MYO16: variants seen among roughly 807,000 people sequenced by gnomAD.
MYO16 encodes the protein unconventional myosin-XVI.
A neutral mutation model predicts 205.3 loss-of-function variants in MYO16; 94 were observed. That is an observed-to-expected ratio of 0.46 (90% CI 0.39 to 0.54). MYO16 has a LOEUF of 0.54. Among genes scored for constraint, MYO16 ranks in the 20% least tolerant of loss-of-function variants. The probability of loss-of-function intolerance (pLI) is 0.00; values close to 1 mark genes in which losing one functional copy is unlikely to be tolerated. For missense variants in MYO16, 2,315 were observed against 2,387.5 expected (o/e 0.97, Z 0.63); for synonymous variants, 988 against 954.0 (o/e 1.04, Z -0.66).
chr13:108,580,606 T>G, the MYO16 span, among the ~76,000 whole-genome samples: 1 of 152,242 alleles, frequency 6.6e-6, no homozygotes, highest in African/African-American at 2.4e-5. Flanking sequence ...GTTTATCTGT[T>G]TATTTAGTTA....
At chr13:108,518,984 C>T in the MYO16 span, among the ~76,000 whole-genome samples, 3 of 151,918 alleles carry the variant, frequency 2.0e-5, no homozygotes, top group Non-Finnish European at 4.4e-5. Context: ...GTAATGTGAT[C>T]TCAGATTAAC....
At chr13:108,705,511 G>T (rs1262605185) in intron 2 of MYO16, among the ~76,000 whole-genome samples, 1 of 152,112 alleles carries the variant, frequency 6.6e-6, no homozygotes, top group Admixed American at 6.5e-5. Context: ...TTTTATTACA[G>T]TATATTGTTA....
chr13:108,566,735 GAGGAAGGA>G, the MYO16 span, among the ~76,000 whole-genome samples: 9,445 of 134,088 alleles, frequency 0.07, 474 homozygotes, highest in African/African-American at 0.13. Flanking sequence ...GGAAGGAAGG[GAGGAAGGA>G]AGGAAGGAAG....
intron 20 of MYO16, among the ~76,000 whole-genome samples, chr13:108,975,139 A>G (rs192979477): frequency 1.3e-3 from 201 of 151,988 alleles, no homozygotes; most frequent in Middle Eastern, 3.4e-3. Flanking sequence ...GCTAAGTACA[A>G]TAGCATTTGG....
intron 34 of MYO16, among the ~76,000 whole-genome samples, chr13:109,201,843 T>A (rs1241514201): frequency 6.6e-6 from 1 of 152,142 alleles, no homozygotes; most frequent in East Asian, 1.9e-4. Flanking sequence ...AGTGAGAACA[T>A]ACAATGTCTG....
At chr13:109,094,842 C>T (rs1378303981) in intron 27 of MYO16, among the ~76,000 whole-genome samples, 15 of 152,316 alleles carry the variant, frequency 9.8e-5, no homozygotes, top group African/African-American at 2.2e-4. Context: ...GCTTTTGTTA[C>T]GGCTGCATAG....
At chr13:109,109,568 G>A (rs541048344) in intron 28 of MYO16, among the ~76,000 whole-genome samples, 2 of 152,138 alleles carry the variant, frequency 1.3e-5, no homozygotes, top group Non-Finnish European at 2.9e-5. Context: ...GGACAAGGGA[G>A]GAAGCCGAGA....
chr13:108,844,300 A>T, intron 9 of MYO16, 43 bp from the exon 10 acceptor site: 1 of 1,556,022 alleles, frequency 6.4e-7, no homozygotes, highest in Non-Finnish European at 8.8e-7. Context: ...TTGATAAAAC[A>T]TTAGAAAGAG....
At position 108,653,159 on chromosome 13, in the gene MYO16, T is replaced by TATGC. The variant is rs545462461; in HGVS notation, c.29-12726_29-12723dup. On this transcript the variant is annotated intron_variant, in intron 1 of 34. Transcript: ENST00000457511. ...ATCAATGATGTTGAGCATATCTTTA[T>TATGC]ATGCTTGTTGGGAATTTGTATATCA... 2.9e-3 allele frequency among the ~76,000 whole-genome samples: 444 copies of TATGC among 152,342 alleles called. 1 individual carries two copies. Among genetic ancestry groups the TATGC allele is most frequent in the African/African-American group, 9.4e-3 (390 of 41,574 alleles).
the MYO16 span, among the ~76,000 whole-genome samples, chr13:108,532,207 AAAAT>A: frequency 6.6e-6 from 1 of 152,008 alleles, no homozygotes; most frequent in Non-Finnish European, 1.5e-5. Flanking sequence ...CTCTGTCTCA[AAAAT>A]AAATAAATAA....
At chr13:109,124,565 A>C (rs1201367170) in intron 29 of MYO16, among the ~76,000 whole-genome samples, 4 of 152,158 alleles carry the variant, frequency 2.6e-5, no homozygotes, top group African/African-American at 9.7e-5. Flanking sequence ...CAACTTTTAC[A>C]CATTTTTCTA....
the MYO16 span, among the ~76,000 whole-genome samples, chr13:108,526,411 TAATGACCTCA>T: frequency 6.6e-6 from 1 of 152,130 alleles, no homozygotes; most frequent in African/African-American, 2.4e-5. Context: ...ATTTGAAAAA[TAATGACCTCA>T]ACAATATTTA....
intron 11 of MYO16, among the ~76,000 whole-genome samples, chr13:108,860,464 T>G (rs1878400060): frequency 6.6e-6 from 1 of 152,236 alleles, no homozygotes; most frequent in Non-Finnish European, 1.5e-5. Context: ...AGTGCTGCCA[T>G]GAACATTCGT....
chr13:109,135,725 A>G (rs1341474088), intron 31 of MYO16, among the ~76,000 whole-genome samples: 1 of 152,236 alleles, frequency 6.6e-6, no homozygotes, highest in Non-Finnish European at 1.5e-5. Context: ...GTGTAAACTG[A>G]TAACATTCAT....
upstream of MYO16, among the ~76,000 whole-genome samples, chr13:108,592,997 G>T (rs1308027927): frequency 1.3e-5 from 2 of 152,016 alleles, no homozygotes; most frequent in African/African-American, 4.8e-5. Flanking sequence ...ACACAGTTTG[G>T]TGAACGCCTC....
intron 10 of MYO16, among the ~76,000 whole-genome samples, chr13:108,853,545 C>T (rs971198490): frequency 6.6e-6 from 1 of 150,704 alleles, no homozygotes; most frequent in African/African-American, 2.4e-5. Flanking sequence ...TGAGTTTGTG[C>T]ATCTTGGTGG....
intron 27 of MYO16, among the ~76,000 whole-genome samples, chr13:109,076,744 A>C (rs1229854027): frequency 6.6e-6 from 1 of 152,144 alleles, no homozygotes; most frequent in Non-Finnish European, 1.5e-5. Context: ...GTGAGCCTGC[A>C]GCATGACGCC....
intron 34 of MYO16, among the ~76,000 whole-genome samples, chr13:109,181,048 T>C (rs1160187756): frequency 6.6e-6 from 1 of 152,246 alleles, no homozygotes; most frequent in Non-Finnish European, 1.5e-5. Flanking sequence ...ATGTGGTTCT[T>C]AGACAAAGGG....
rs1175248867 is a variant in MYO16 at position 109,008,916 on chromosome 13, A to G, written c.2462A>G (p.Asn821Ser). Residue 821 changes from asparagine to serine, a missense_variant, in exon 22 of 35, where the codon AAT (asparagine) becomes AGT (serine). Physicochemically the swap from Asn to Ser is conservative, Grantham distance 46. Coordinates refer to ENST00000457511, the MANE Select transcript of MYO16 (RefSeq NM_001198950.3). ...CAACAGCTTTGTGTCAACATGACCA[A>G]TGAGAAGATGCACCACTATATCAAT... ...EFEQLCVNMT[N>S]EKMHHYINEV... 2 of 1,613,058 alleles carry G rather than the reference A, an allele frequency of 1.2e-6. No individual in the cohort carries two copies. Among genetic ancestry groups the G allele is most frequent in the Non-Finnish European group, 1.7e-6 (2 of 1,179,602 alleles).
Sources: gnomAD v4.1 joint callset for allele counts (sites outside exome capture counted in the v4.1 genomes callset) on GRCh38, gnomAD v4.1.1 for gene constraint, MANE v1.5 for transcripts, NCBI Gene and HGNC (gene_info 2026-07-23, HGNC 2026-07-21) for gene names.